Variants in EXOC6B observed in about 807,000 individuals in gnomAD.
EXOC6B encodes exocyst complex component 6B.
In EXOC6B, 54 loss-of-function variants were observed where a neutral mutation model predicts 113.5. The ratio of observed to expected loss-of-function variants is 0.48; its 90% confidence interval spans 0.38 to 0.60. The LOEUF is 0.60. Among genes scored for constraint, EXOC6B ranks in the 20% least tolerant of loss-of-function variants. EXOC6B has a pLI of 0.00. For synonymous variants in EXOC6B, 357 were observed against 339.0 expected, an observed-to-expected ratio of 1.05 and a Z score of -0.58; for missense variants, 797 against 977.5, an observed-to-expected ratio of 0.82 and a Z score of 2.46.
intron 18 of EXOC6B, among the ~76,000 whole-genome samples, chr2:72,457,637 G>A (rs674863): frequency 0.12 from 18,755 of 151,988 alleles, 1,306 homozygotes; most frequent in African/African-American, 0.2. Flanking sequence ...TCAAAAACAT[G>A]CTCTTACGCT....
At chr2:72,719,070 A>C (rs993782812) in intron 5 of EXOC6B, among the ~76,000 whole-genome samples, 1 of 152,294 alleles carries the variant, frequency 6.6e-6, no homozygotes, top group Non-Finnish European at 1.5e-5. Context: ...GTTTATTCAT[A>C]ATAACTGCTC....
intron 20 of EXOC6B, among the ~76,000 whole-genome samples, chr2:72,260,701 T>G (rs986977872): frequency 6.6e-6 from 1 of 152,110 alleles, no homozygotes; most frequent in East Asian, 1.9e-4. Flanking sequence ...TTCCTTGTAA[T>G]AGCCGCAATT....
chr2:72,612,797 A>AAAT (rs1671155029), intron 6 of EXOC6B, among the ~76,000 whole-genome samples: 3 of 152,178 alleles, frequency 2.0e-5, no homozygotes, highest in Non-Finnish European at 4.4e-5. Context: ...AGACAAAATA[A>AAAT]ACTCCGTATT....
intron 1 of EXOC6B, among the ~76,000 whole-genome samples, chr2:72,766,845 T>A (rs1427071012): frequency 6.7e-6 from 1 of 150,252 alleles, no homozygotes. Context: ...TCCCAGCTAC[T>A]CGGGAGGCTG....
chr2:72,451,952 C>T (rs1397067639), intron 18 of EXOC6B, among the ~76,000 whole-genome samples: 2 of 152,094 alleles, frequency 1.3e-5, no homozygotes, highest in African/African-American at 2.4e-5. Context: ...ATTCCTGTTG[C>T]TCATTTAACT....
intron 7 of EXOC6B, among the ~76,000 whole-genome samples, chr2:72,573,926 T>C (rs1704666970): frequency 6.6e-6 from 1 of 151,922 alleles, no homozygotes; most frequent in Non-Finnish European, 1.5e-5. Flanking sequence ...CCATCCTGGC[T>C]AACATGGTGA....
chr2:72,803,962 A>G (rs190681369), intron 1 of EXOC6B, among the ~76,000 whole-genome samples: 6 of 152,358 alleles, frequency 3.9e-5, no homozygotes, highest in Non-Finnish European at 7.4e-5. Flanking sequence ...CTTCCATAGT[A>G]AATTAGAAAT....
chr2:72,401,672 T>C (rs370781606), intron 18 of EXOC6B, among the ~76,000 whole-genome samples: 4 of 98,844 alleles, frequency 4.0e-5, no homozygotes, highest in Non-Finnish European at 3.9e-5. Context: ...TATATGTATA[T>C]ATATATATAT....
chr2:72,508,184 A>AAAAAAAAAAACC (rs923877882), intron 11 of EXOC6B, among the ~76,000 whole-genome samples: 1 of 89,114 alleles, frequency 1.1e-5, no homozygotes, highest in African/African-American at 6.7e-5. Flanking sequence ...AAAAAAAAAA[A>AAAAAAAAAAACC]ACACCTAAAA....
At chr2:72,635,797 T>G (rs1188637680) in intron 6 of EXOC6B, among the ~76,000 whole-genome samples, 2 of 152,172 alleles carry the variant, frequency 1.3e-5, no homozygotes, top group Non-Finnish European at 2.9e-5. Context: ...TAAAAATACC[T>G]TAGCAAAATA....
At chr2:72,519,835 T>C (rs562249237) in intron 8 of EXOC6B, among the ~76,000 whole-genome samples, 1 of 152,286 alleles carries the variant, frequency 6.6e-6, no homozygotes, top group African/African-American at 2.4e-5. Flanking sequence ...ATCATAATCA[T>C]TAGCAGAGAG....
chr2:72,774,657 T>C (rs1190904224), intron 1 of EXOC6B, among the ~76,000 whole-genome samples: 2 of 152,172 alleles, frequency 1.3e-5, no homozygotes, highest in South Asian at 4.1e-4. Flanking sequence ...AGCCAATGAA[T>C]GGTTCTTTCT....
intron 1 of EXOC6B, among the ~76,000 whole-genome samples, chr2:72,774,567 C>G (rs1683589322): frequency 6.6e-6 from 1 of 152,166 alleles, no homozygotes; most frequent in South Asian, 2.1e-4. Flanking sequence ...AGCATTTACC[C>G]TAGAGAAATG....
At chr2:72,212,719 T>A (rs1475222751) in intron 20 of EXOC6B, among the ~76,000 whole-genome samples, 1 of 152,218 alleles carries the variant, frequency 6.6e-6, no homozygotes, top group African/African-American at 2.4e-5. Context: ...GAGTGACAAC[T>A]CTTATGTTCT....
At chr2:72,262,609 T>A (rs748023482) in intron 20 of EXOC6B, among the ~76,000 whole-genome samples, 18 of 152,140 alleles carry the variant, frequency 1.2e-4, no homozygotes, top group Non-Finnish European at 2.9e-5. Flanking sequence ...ATTTTGAATA[T>A]AAAATGTATA....
At chr2:72,229,331 C>A (rs572378300) in intron 20 of EXOC6B, among the ~76,000 whole-genome samples, 5 of 152,084 alleles carry the variant, frequency 3.3e-5, no homozygotes, top group African/African-American at 4.8e-5. Context: ...GGAGCATTTA[C>A]GAAGATTACG....
intron 6 of EXOC6B, among the ~76,000 whole-genome samples, chr2:72,620,157 T>C (rs1573500135): frequency 6.6e-6 from 1 of 152,212 alleles, no homozygotes; most frequent in African/African-American, 2.4e-5. Flanking sequence ...CAAAGGGATA[T>C]GGGCAGCCTC....
Position 72,451,654 on chromosome 2 carries a change from CTGTGTGTGTG to C in EXOC6B, c.1980+13496_1980+13505del, listed in dbSNP as rs141514102. On this transcript the variant is annotated intron_variant, in intron 18 of 21. Coordinates refer to ENST00000272427, the MANE Select transcript of EXOC6B (RefSeq NM_015189.3). ...GAAAATTCACTTTTTGTCTTTGTGCCTGTGTGTGTGTGTGTGTGTGTGTGTGTGTGTGTGT... is the reference window on the plus strand; with the variant it reads ...GAAAATTCACTTTTTGTCTTTGTGCCTGTGTGTGTGTGTGTGTGTGTGTGT... Among the ~76,000 whole-genome samples the C allele has an allele frequency of 7.2e-4, 102 of 142,590 alleles. 1 individual carries two copies. In the East Asian group the frequency reaches 0.018, roughly 26 times the overall value. The allele number at this position is 142,590 out of a possible 152,430, so 93.5% of individuals were successfully genotyped here. A position where few individuals can be genotyped will look rare whatever the true frequency, so the allele number is the denominator to read the frequency against.
At chr2:72,470,073 G>T (rs1469460046) in intron 17 of EXOC6B, among the ~76,000 whole-genome samples, 1 of 151,714 alleles carries the variant, frequency 6.6e-6, no homozygotes, top group Non-Finnish European at 1.5e-5. Context: ...TCTTTTTTTA[G>T]TTCCCTATGA....
Sources: gnomAD v4.1 joint callset for allele counts (sites outside exome capture counted in the v4.1 genomes callset) on GRCh38, gnomAD v4.1.1 for gene constraint, MANE v1.5 for transcripts, NCBI Gene and HGNC (gene_info 2026-07-23, HGNC 2026-07-21) for gene names.